The following CD109 variants were observed in gnomAD, a reference collection of about 807,000 sequenced individuals.
CD109 encodes CD109 antigen.
CD109 carries 149 observed loss-of-function variants against 165.8 expected under a neutral mutation model. That is an observed-to-expected ratio of 0.90 (90% CI 0.79 to 1.03). The LOEUF is 1.03. Among genes scored for constraint, CD109 ranks in the 50% least tolerant of loss-of-function variants. CD109 has a pLI of 0.00. For missense variants in CD109, 1,712 were observed against 1,677.8 expected, an observed-to-expected ratio of 1.02 and a Z score of -0.36; for synonymous variants, 585 against 592.1, an observed-to-expected ratio of 0.99 and a Z score of 0.18.
At chr6:73,794,609 G>A (rs1312541892) in intron 23 of CD109, among the ~76,000 whole-genome samples, 3 of 152,158 alleles carry the variant, frequency 2.0e-5, no homozygotes, top group Non-Finnish European at 4.4e-5. Context: ...GGAGTCAAGG[G>A]GTTGCGGGTC....
intron 2 of CD109, among the ~76,000 whole-genome samples, chr6:73,722,068 GA>G (rs1420616952): frequency 2.2e-4 from 33 of 152,256 alleles, no homozygotes; most frequent in African/African-American, 7.7e-4. Flanking sequence ...TATTTTGGTT[GA>G]GAAAATACAT....
At chr6:73,734,159 C>G (rs1772466924) in intron 4 of CD109, among the ~76,000 whole-genome samples, 1 of 152,206 alleles carries the variant, frequency 6.6e-6, no homozygotes, top group East Asian at 1.9e-4. Flanking sequence ...TGCATTCTCT[C>G]CCTCTGCCTT....
At chr6:73,696,128 A>C, upstream of CD109, 2 of 1,308,110 alleles carry the variant, frequency 1.5e-6, no homozygotes, top group Non-Finnish European at 2.1e-6. Context: ...AGAGGGAAAA[A>C]AAATCAGGGA....
At position 73,812,200 on chromosome 6, in the gene CD109, T is replaced by G. The variant is rs374200313; in HGVS notation, c.3703-5T>G. 8 of 1,604,200 alleles carry G rather than the reference T, an allele frequency of 5.0e-6. No individual in the cohort carries two copies. The highest frequency in any genetic ancestry group is 4.5e-5 in the East Asian group (2 of 44,792). On this transcript the variant is annotated splice_region_variant and splice_polypyrimidine_tract_variant and intron_variant, in intron 28 of 32. Transcript: ENST00000287097. ...CCTCATTCACTTTTTTTCACCTTGATTCAGCTTGCTGTGGTACAGCCAACG... is the reference window on the plus strand; with the variant it reads ...CCTCATTCACTTTTTTTCACCTTGAGTCAGCTTGCTGTGGTACAGCCAACG...
chr6:73,815,919 A>G (rs1302520954), intron 30 of CD109, among the ~76,000 whole-genome samples: 1 of 152,104 alleles, frequency 6.6e-6, no homozygotes, highest in Non-Finnish European at 1.5e-5. Context: ...ATGCACTGGC[A>G]TTGAGGAGCT....
Position 73,723,235 on chromosome 6 carries a change from C to T in CD109, c.248-16C>T. Reference sequence around the variant, plus strand: ...AAATTGTGCTAACTCTGTTTTCTTTCCTGTTTTCCTTGTAGGCTCTTTTAA... The same window carrying T: ...AAATTGTGCTAACTCTGTTTTCTTTTCTGTTTTCCTTGTAGGCTCTTTTAA... On this transcript the variant is annotated splice_polypyrimidine_tract_variant and intron_variant, in intron 2 of 32. Coordinates refer to ENST00000287097, the MANE Select transcript of CD109 (RefSeq NM_133493.5). 1.2e-6 allele frequency: 2 copies of T among 1,612,278 alleles called. No homozygotes were observed. Among genetic ancestry groups the T allele is most frequent in the Non-Finnish European group, 1.7e-6 (2 of 1,179,456 alleles).
chr6:73,766,006 A>C lies in CD109; in HGVS notation c.1184A>C (p.Gln395Pro). Residue 395 changes from glutamine (Q) to proline (P), a missense_variant, in exon 11 of 33, where the codon CAG becomes CCG. Physicochemically the swap from Gln to Pro is moderately conservative, Grantham distance 76. Coordinates refer to ENST00000287097, the MANE Select transcript of CD109 (RefSeq NM_133493.5). ...AATAATGTAGTCATAACAGTGACAC[A>C]GAGAAACTATACTGAGTACTGGAGC... ...RRNNVVITVTQRNYTEYWSGS... is the reference protein window; with the variant it reads ...RRNNVVITVTPRNYTEYWSGS... 1 of 1,613,766 alleles carries C rather than the reference A, an allele frequency of 6.2e-7. No homozygotes were observed. The highest frequency in any genetic ancestry group is 8.5e-7 in the Non-Finnish European group (1 of 1,179,628).
At chr6:73,705,521 A>G (rs1296072479) in intron 2 of CD109, among the ~76,000 whole-genome samples, 4 of 152,142 alleles carry the variant, frequency 2.6e-5, no homozygotes, top group Non-Finnish European at 5.9e-5. Flanking sequence ...ATGTGCTTGT[A>G]GTCCCAGCTA....
chr6:73,827,280 C>A lies in CD109; in HGVS notation c.*3647C>A, dbSNP rs1345934317. 6.6e-6 allele frequency: 1 copy of A among 151,798 alleles called. No homozygotes were observed. The highest frequency in any genetic ancestry group is 2.4e-5 in the African/African-American group (1 of 41,282). The allele number at this position is 151,798 out of a possible 1,614,324, so 9.4% of individuals were successfully genotyped here. A position where few individuals can be genotyped will look rare whatever the true frequency, so the allele number is the denominator to read the frequency against. On this transcript the variant is annotated 3_prime_UTR_variant, in exon 33 of 33. Transcript: ENST00000287097. ...TATTCTTGGGTGCATTGGTTTTTTG[C>A]GCATTGTAAATTTAAGACACTTATA...
At chr6:73,684,400 T>C in the CD109 span, among the ~76,000 whole-genome samples, 9 of 151,878 alleles carry the variant, frequency 5.9e-5, no homozygotes, top group African/African-American at 2.2e-4. Context: ...TTGTATTTTT[T>C]TGGGGAGATG....
At chr6:73,760,304 G>T (rs2150220331) in intron 7 of CD109, among the ~76,000 whole-genome samples, 1 of 151,410 alleles carries the variant, frequency 6.6e-6, no homozygotes, top group Admixed American at 6.6e-5. Context: ...CTACTCGGGA[G>T]GCTGAGGCAG....
chr6:73,774,759 T>A (rs1007323518), intron 15 of CD109, among the ~76,000 whole-genome samples: 2 of 152,200 alleles, frequency 1.3e-5, no homozygotes, highest in East Asian at 1.9e-4. Flanking sequence ...CTGCTGTGTC[T>A]AGCTGCCTTC....
chr6:73,791,162 T>TATATATACATACAC (rs1562070942), intron 22 of CD109, among the ~76,000 whole-genome samples: 1 of 36,330 alleles, frequency 2.8e-5, no homozygotes, highest in Non-Finnish European at 5.1e-5. Context: ...TATATATATA[T>TATATATACATACAC]ATATATATAT....
rs1229390516 is a variant in CD109 at position 73,771,478 on chromosome 6, C to A, written c.1724C>A (p.Ser575Tyr). The part of the protein sequence containing the change: ...KVKAEPSEKV[S>Y]LRISVTQPDS... ...AAAGCTGAACCATCTGAGAAAGTCT[C>A]TCTTAGGATCTCTGTGACACAGCCT... is the stretch of plus-strand genomic sequence containing the variant. Residue 575 changes from serine to tyrosine, a missense_variant, in exon 15 of 33, where the codon TCT (serine) becomes TAT (tyrosine). Physicochemically the swap from Ser to Tyr is moderately radical, Grantham distance 144. Transcript: ENST00000287097. 1 of 1,610,004 alleles carries A rather than the reference C, an allele frequency of 6.2e-7. No homozygotes were observed. Among genetic ancestry groups the A allele is most frequent in the African/African-American group, 1.3e-5 (1 of 74,722 alleles).
rs1773824705 is a variant in CD109, at chr6:73,765,940, C to T, written c.1118C>T (p.Thr373Ile). ...SLNFTATVKVTRADGNQLTLE... is the reference protein window; with the variant it reads ...SLNFTATVKVIRADGNQLTLE... ...TGTTTTGACCATTAGGTGAAGGTAA[C>T]TCGTGCTGATGGCAACCAACTGACT... The change falls in exon 11 of 33, where the codon ACT becomes ATT. Residue 373 changes from threonine to isoleucine, a missense_variant. Physicochemically the swap from Thr to Ile is moderately conservative, Grantham distance 89. Coordinates refer to ENST00000287097, the MANE Select transcript of CD109 (RefSeq NM_133493.5). The T allele has an allele frequency of 1.2e-6, 2 of 1,612,606 alleles. No individual in the cohort carries two copies. The highest frequency in any genetic ancestry group is 1.3e-5 in the African/African-American group (1 of 74,826).
chr6:73,736,625 G>C (rs1038415151), intron 5 of CD109, 117 bp downstream of exon 5: 11 of 842,426 alleles, frequency 1.3e-5, no homozygotes, highest in East Asian at 8.3e-5. Context: ...TGAACATTTA[G>C]ACAATTTAAA....
intron 2 of CD109, among the ~76,000 whole-genome samples, chr6:73,712,491 A>T (rs918461128): frequency 2.0e-5 from 3 of 152,114 alleles, no homozygotes; most frequent in African/African-American, 7.2e-5. Flanking sequence ...TTTCATAGAG[A>T]GTATTTCTGT....
chr6:73,814,887 TC>T, intron 29 of CD109, 93 bp from the exon 30 acceptor site: 1 of 803,292 alleles, frequency 1.2e-6, no homozygotes, highest in Non-Finnish European at 1.8e-6. Flanking sequence ...ACTGGGTCCA[TC>T]CAAAGAGAAT....
rs887167686 is a variant in CD109, at chr6:73,797,896, G to C, written c.2878+5094G>C. On this transcript the variant is annotated intron_variant, in intron 23 of 32. Transcript: ENST00000287097. ...TTTCAATTTTCAGAAGTCTATGAAAGTTCTGAGCATATGATTACTTTTCAA... is the reference window on the plus strand; with the variant it reads ...TTTCAATTTTCAGAAGTCTATGAAACTTCTGAGCATATGATTACTTTTCAA... Among the ~76,000 whole-genome samples, 3 of 152,118 alleles carry C rather than the reference G, an allele frequency of 2.0e-5. No homozygotes were observed. The East Asian group carries it at 5.8e-4, about 29-fold the overall frequency.
Sources: allele counts gnomAD v4.1 joint callset (sites outside exome capture counted in the v4.1 genomes callset), GRCh38; gene constraint gnomAD v4.1.1; transcripts MANE v1.5; gene names NCBI Gene and HGNC (gene_info 2026-07-23, HGNC 2026-07-21).